Variants in AQP8 observed in about 807,000 individuals in gnomAD.
The protein encoded by AQP8 is aquaporin-8.
AQP8 carries 14 observed loss-of-function variants against 26.1 expected under a neutral mutation model. The observed-to-expected ratio is 0.54, with a 90% confidence interval of 0.35 to 0.84. AQP8 has a LOEUF of 0.84. AQP8 is among the 40% of genes least tolerant of loss of function. The pLI, the probability that AQP8 is intolerant of heterozygous loss-of-function variation, is 0.01. For missense variants in AQP8, 301 were observed against 340.5 expected, an observed-to-expected ratio of 0.88 and a Z score of 0.91; for synonymous variants, 131 against 150.7, an observed-to-expected ratio of 0.87 and a Z score of 0.96.
intron 4 of AQP8, among the ~76,000 whole-genome samples, chr16:25,224,895 G>A (rs74015621): frequency 0.025 from 3,793 of 152,306 alleles, 164 homozygotes; most frequent in African/African-American, 0.087. Flanking sequence ...ACATTTCTGT[G>A]AACTGTGTTC....
chr16:25,224,917 G>A (rs1397658733), intron 4 of AQP8, among the ~76,000 whole-genome samples: 4 of 152,212 alleles, frequency 2.6e-5, no homozygotes, highest in Non-Finnish European at 5.9e-5. Flanking sequence ...TTCGGTCAGC[G>A]GGCAGCCGGG....
chr16:25,220,496 G>C (rs1962547459), intron 2 of AQP8, among the ~76,000 whole-genome samples: 1 of 152,142 alleles, frequency 6.6e-6, no homozygotes, highest in African/African-American at 2.4e-5. Flanking sequence ...CATGAGCCAG[G>C]GGGTGGCTGA....
chr16:25,226,980 T>G, intron 4 of AQP8, 88 bp from the exon 5 acceptor site: 1 of 1,586,850 alleles, frequency 6.3e-7, no homozygotes, highest in Admixed American at 1.7e-5. Flanking sequence ...CTGGGTGGTG[T>G]GTGACTAGGC....
chr16:25,220,031 T>A (rs1234135895), intron 2 of AQP8, among the ~76,000 whole-genome samples: 1 of 143,768 alleles, frequency 7.0e-6, no homozygotes, highest in African/African-American at 2.9e-5. Context: ...GGAGACCCTG[T>A]CTCAAAAAAA....
At chr16:25,218,314 G>T (rs1350467877) in intron 2 of AQP8, among the ~76,000 whole-genome samples, 2 of 152,166 alleles carry the variant, frequency 1.3e-5, no homozygotes, top group Non-Finnish European at 2.9e-5. Context: ...CAGTGGTCCT[G>T]GCTTGTCAAG....
Position 25,217,182 on chromosome 16 carries a change from T to A in AQP8, c.13-16T>A. ...GCCTCCCACCCGTGTCCTCTGTCCC[T>A]TTTTCCCTACGGCAGATAGCCATGT... On this transcript the variant is annotated splice_polypyrimidine_tract_variant and intron_variant, in intron 1 of 5. Transcript: ENST00000219660. The A allele has an allele frequency of 6.2e-7, 1 of 1,612,894 alleles. No individual in the cohort carries two copies. Among genetic ancestry groups the A allele is most frequent in the Non-Finnish European group, 8.5e-7 (1 of 1,179,688 alleles).
At position 25,224,444 on chromosome 16, in the gene AQP8, C is replaced by T. The variant is rs765639523; in HGVS notation, c.470C>T (p.Ala157Val). Residue 157 changes from alanine (A) to valine (V), a missense_variant, in exon 4 of 6, where the codon GCG becomes GTG. Physicochemically the swap from Ala to Val is moderately conservative, Grantham distance 64 (BLOSUM62 0). Coordinates refer to ENST00000219660, the MANE Select transcript of AQP8 (RefSeq NM_001169.3). ...TVQEQGQVAG[A>V]LVAEIILTTL... is the part of the protein sequence containing the mutation. ...CAGGAGCAGGGGCAGGTGGCAGGGGCGTTGGTGGCAGAGATCATCCTGACG... is the reference window on the plus strand; with the variant it reads ...CAGGAGCAGGGGCAGGTGGCAGGGGTGTTGGTGGCAGAGATCATCCTGACG... The T allele has an allele frequency of 5.6e-5, 90 of 1,614,016 alleles. No individual in the cohort carries two copies. The highest frequency in any genetic ancestry group is 7.4e-5 in the Non-Finnish European group (87 of 1,180,030).
intron 3 of AQP8, among the ~76,000 whole-genome samples, chr16:25,222,432 C>T (rs1457316716): frequency 1.3e-5 from 2 of 150,816 alleles, no homozygotes; most frequent in South Asian, 4.2e-4. Context: ...GCCTCCAACT[C>T]CTGGCCTCAA....
intron 2 of AQP8, among the ~76,000 whole-genome samples, chr16:25,220,816 C>T (rs1488698620): frequency 6.6e-6 from 1 of 152,156 alleles, no homozygotes; most frequent in Non-Finnish European, 1.5e-5. Flanking sequence ...TTTGGGAGGC[C>T]GACGTGGGTG....
chr16:25,228,621 T>C lies in AQP8; in HGVS notation c.*129T>C. ...AGGAGCGACCCCCTGCTTCCACTGCTTGGGCCTGCTTTCTCAGATAGACTG... is the reference window on the plus strand; with the variant it reads ...AGGAGCGACCCCCTGCTTCCACTGCCTGGGCCTGCTTTCTCAGATAGACTG... On this transcript the variant is annotated 3_prime_UTR_variant, in exon 6 of 6. Transcript: ENST00000219660. 1.1e-6 allele frequency: 1 copy of C among 901,356 alleles called. No homozygotes were observed. The highest frequency in any genetic ancestry group is 1.7e-6 in the Non-Finnish European group (1 of 571,694). 55.8% of individuals were successfully genotyped at this position (901,356 alleles called of 1,614,324 possible).
At chr16:25,223,281 C>T (rs557223690) in intron 3 of AQP8, among the ~76,000 whole-genome samples, 1 of 152,388 alleles carries the variant, frequency 6.6e-6, no homozygotes, top group South Asian at 2.1e-4. Flanking sequence ...AGCCCTGAGG[C>T]CGATCGCCCA....
intron 2 of AQP8, among the ~76,000 whole-genome samples, chr16:25,221,199 C>T (rs138328956): frequency 1.3e-3 from 194 of 152,074 alleles, no homozygotes; most frequent in African/African-American, 4.3e-3. Flanking sequence ...AAGGGATGGT[C>T]TCCCTACACG....
intron 5 of AQP8, 94 bp from the exon 6 acceptor site, chr16:25,228,350 G>C: frequency 8.4e-7 from 1 of 1,185,826 alleles, no homozygotes; most frequent in East Asian, 2.3e-5. Context: ...GGCTCAGGAA[G>C]TCATCTTTCT....
chr16:25,228,144 G>A (rs897644873), intron 5 of AQP8, among the ~76,000 whole-genome samples: 3 of 151,892 alleles, frequency 2.0e-5, no homozygotes, highest in African/African-American at 7.2e-5. Flanking sequence ...GTGCTTGTCT[G>A]TAGTCCCAGC....
At chr16:25,225,255 A>G (rs1962615353) in intron 4 of AQP8, among the ~76,000 whole-genome samples, 1 of 152,150 alleles carries the variant, frequency 6.6e-6, no homozygotes, top group Non-Finnish European at 1.5e-5. Context: ...AAAGTACTGG[A>G]ATTACAGGCA....
intron 3 of AQP8, among the ~76,000 whole-genome samples, chr16:25,222,851 C>A (rs149955801): frequency 6.6e-6 from 1 of 152,168 alleles, no homozygotes; most frequent in African/African-American, 2.4e-5. Flanking sequence ...CTATGGAACA[C>A]GCCCGGGACC....
chr16:25,217,060 G>A lies in AQP8; in HGVS notation c.12+3G>A. On this transcript the variant is annotated splice_donor_region_variant and intron_variant, in intron 1 of 5. Coordinates refer to ENST00000219660, the MANE Select transcript of AQP8 (RefSeq NM_001169.3). ...ATCTGATCCTGATGTCTGGAGAGGT[G>A]AGCCCTCTGTCGGCATCTTCCTCTC... 1 of 1,613,996 alleles carries A rather than the reference G, an allele frequency of 6.2e-7. No homozygotes were observed. Among genetic ancestry groups the A allele is most frequent in the Non-Finnish European group, 8.5e-7 (1 of 1,180,024 alleles).
Position 25,224,396 on chromosome 16 carries a change from C to G in AQP8, c.422C>G (p.Ser141Cys). The change falls in exon 4 of 6, where the codon TCT becomes TGT. Residue 141 changes from serine (S) to cysteine (C), a missense_variant. By Grantham distance (112) the Ser-to-Cys change is moderately radical. Transcript: ENST00000219660. ...CCTGAGGAGAGGTTCTGGAATGCAT[C>G]TGGGGCGGCCTTTGTGACAGTCCAG... ...VSPEERFWNA[S>C]GAAFVTVQEQ... The G allele has an allele frequency of 6.2e-7, 1 of 1,614,010 alleles. No homozygotes were observed. The highest frequency in any genetic ancestry group is 8.5e-7 in the Non-Finnish European group (1 of 1,180,032).
At chr16:25,220,692 A>G (rs1962550093) in intron 2 of AQP8, among the ~76,000 whole-genome samples, 1 of 152,214 alleles carries the variant, frequency 6.6e-6, no homozygotes, top group Non-Finnish European at 1.5e-5. Flanking sequence ...GACCACAAGT[A>G]GGGTTTTCAC....
Sources: allele counts gnomAD v4.1 joint callset (sites outside exome capture counted in the v4.1 genomes callset), GRCh38; gene constraint gnomAD v4.1.1; transcripts MANE v1.5; gene names NCBI Gene and HGNC (gene_info 2026-07-23, HGNC 2026-07-21).